The following SRFBP1 variants were observed in gnomAD, a reference collection of about 807,000 sequenced individuals.
The protein encoded by SRFBP1 is serum response factor binding protein 1, also known as serum response factor-binding protein 1.
In SRFBP1, 47 loss-of-function variants were observed where a neutral mutation model predicts 45.5. The ratio of observed to expected loss-of-function variants is 1.03; its 90% CI spans 0.82 to 1.32. The LOEUF (loss-of-function observed/expected upper bound fraction) is 1.32, where lower values mean the gene tolerates loss of function less well. Among genes scored for constraint, SRFBP1 ranks in the 40% most tolerant of loss-of-function variants. The probability of loss-of-function intolerance (pLI) is 0.00; values close to 1 mark genes in which losing one functional copy is unlikely to be tolerated. For missense variants in SRFBP1, 621 were observed against 484.6 expected, an observed-to-expected ratio of 1.28 and a Z score of -2.64; for synonymous variants, 203 against 166.3, an observed-to-expected ratio of 1.22 and a Z score of -1.70.
chr5:121,995,256 A>T lies in SRFBP1; in HGVS notation c.270+586A>T, dbSNP rs559241025. On this transcript the variant is annotated intron_variant, in intron 4 of 7. Coordinates refer to ENST00000339397, the MANE Select transcript of SRFBP1 (RefSeq NM_152546.3). The stretch of plus-strand genomic sequence containing the variant: ...ACACCTATTCCAAAATTGACCACAT[A>T]CTTGGAAGTAAAGCTCTCCTCAGCA... 8.3e-4 allele frequency among the ~76,000 whole-genome samples: 126 copies of T among 152,034 alleles called. 3 individuals are homozygous for T. The South Asian group carries it at 0.023, about 27-fold the overall frequency.
intron 4 of SRFBP1, among the ~76,000 whole-genome samples, chr5:122,013,355 A>G (rs918394720): frequency 1.3e-5 from 2 of 152,100 alleles, no homozygotes; most frequent in African/African-American, 4.8e-5. Flanking sequence ...CACTGAGTAC[A>G]TTTTCAAATG....
intron 2 of SRFBP1, among the ~76,000 whole-genome samples, chr5:122,048,972 T>C (rs571192954): frequency 6.6e-6 from 1 of 152,254 alleles, no homozygotes; most frequent in Non-Finnish European, 1.5e-5. Context: ...GTCTATCAAT[T>C]TTGTTGATCT....
At chr5:122,028,798 G>C (rs2112718605), downstream of SRFBP1, among the ~76,000 whole-genome samples, 1 of 152,336 alleles carries the variant, frequency 6.6e-6, no homozygotes, top group East Asian at 1.9e-4. Flanking sequence ...TTGCCAGACT[G>C]TGAAGTTGGG....
At chr5:121,965,346 C>T (rs1435339081) in intron 1 of SRFBP1, among the ~76,000 whole-genome samples, 1 of 152,056 alleles carries the variant, frequency 6.6e-6, no homozygotes, top group Admixed American at 6.6e-5. Context: ...GTCTTTAATC[C>T]ATCTTGAGTT....
At chr5:122,004,700 T>G (rs1286555619) in intron 4 of SRFBP1, among the ~76,000 whole-genome samples, 1 of 152,100 alleles carries the variant, frequency 6.6e-6, no homozygotes, top group Non-Finnish European at 1.5e-5. Flanking sequence ...TCACTTTGGG[T>G]TTAGTTTGTT....
intron 3 of SRFBP1, among the ~76,000 whole-genome samples, chr5:121,989,318 A>T (rs1752579224): frequency 6.6e-6 from 1 of 152,132 alleles, no homozygotes; most frequent in Non-Finnish European, 1.5e-5. Context: ...CGCCCACCTC[A>T]GCCTCCCAAA....
chr5:122,064,377 T>A (rs1754243285), intron 2 of SRFBP1: 1 of 151,734 alleles, frequency 6.6e-6, no homozygotes, highest in Non-Finnish European at 1.5e-5. Flanking sequence ...TTTGGGTGTG[T>A]TTAGAGGTGC....
intron 2 of SRFBP1, among the ~76,000 whole-genome samples, chr5:122,069,360 T>A (rs1313038174): frequency 6.6e-6 from 1 of 152,036 alleles, no homozygotes; most frequent in African/African-American, 2.4e-5. Flanking sequence ...CCAGCAACAC[T>A]TGGGGAGGTA....
At chr5:121,975,180 G>C in intron 2 of SRFBP1, 135 bp from the exon 3 acceptor site, 1 of 893,794 alleles carries the variant, frequency 1.1e-6, no homozygotes. Flanking sequence ...GAAATGGACA[G>C]TGTAGGATAG....
intron 4 of SRFBP1, among the ~76,000 whole-genome samples, chr5:122,006,618 A>C (rs1036240044): frequency 1.3e-4 from 20 of 151,936 alleles, no homozygotes; most frequent in Non-Finnish European, 2.5e-4. Flanking sequence ...TCTTCTGACT[A>C]TATATTTTCA....
At chr5:121,976,756 A>T (rs1253785663) in intron 3 of SRFBP1, among the ~76,000 whole-genome samples, 2 of 149,626 alleles carry the variant, frequency 1.3e-5, no homozygotes. Context: ...TATATATAAT[A>T]TATATATGTG....
intron 2 of SRFBP1, among the ~76,000 whole-genome samples, chr5:122,052,713 C>G (rs1754011666): frequency 6.6e-6 from 1 of 152,160 alleles, no homozygotes. Flanking sequence ...CCTCAATGAT[C>G]TTCATTACTA....
chr5:122,078,103 G>A (rs1754696991), downstream of SRFBP1: 8 of 950,422 alleles, frequency 8.4e-6, no homozygotes, highest in East Asian at 3.2e-5. Context: ...AGCGGAGCAC[G>A]GGTATCTCAG....
chr5:121,987,671 C>T (rs1029357940), intron 3 of SRFBP1, among the ~76,000 whole-genome samples: 3 of 152,086 alleles, frequency 2.0e-5, no homozygotes, highest in Non-Finnish European at 1.5e-5. Context: ...TCCCTTATAA[C>T]CCAAATATAC....
At chr5:121,995,587 A>G (rs941248963) in intron 4 of SRFBP1, among the ~76,000 whole-genome samples, 6 of 152,226 alleles carry the variant, frequency 3.9e-5, no homozygotes, top group Non-Finnish European at 8.8e-5. Context: ...TGACACCCTA[A>G]CATCACAATT....
chr5:122,067,756 C>T (rs1452745491), intron 2 of SRFBP1, among the ~76,000 whole-genome samples: 1 of 152,152 alleles, frequency 6.6e-6, no homozygotes, highest in Non-Finnish European at 1.5e-5. Flanking sequence ...TCCAAACATG[C>T]CCTGCAGTTT....
intron 4 of SRFBP1, among the ~76,000 whole-genome samples, chr5:122,008,662 A>AT (rs1465315163): frequency 6.6e-6 from 1 of 151,838 alleles, no homozygotes; most frequent in Non-Finnish European, 1.5e-5. Context: ...TTGTAAAGGT[A>AT]TTTTTTTGTG....
At chr5:122,077,891 G>T (rs780762236), downstream of SRFBP1, 16 of 1,527,462 alleles carry the variant, frequency 1.0e-5, no homozygotes, top group East Asian at 2.5e-5. This position sits in a 1 kb window ranked among gnomAD's most constrained non-coding sequence, Gnocchi z 4.9. Flanking sequence ...CGGCTCGCGC[G>T]GGGGCTGCTG....
chr5:122,059,897 G>C (rs538371480), intron 2 of SRFBP1, among the ~76,000 whole-genome samples: 1 of 152,126 alleles, frequency 6.6e-6, no homozygotes, highest in Non-Finnish European at 1.5e-5. Flanking sequence ...CAGTGGGAAA[G>C]AGTAGCAATT....
Sources: allele counts gnomAD v4.1 joint callset (sites outside exome capture counted in the v4.1 genomes callset), GRCh38; gene constraint gnomAD v4.1.1; non-coding constraint Gnocchi (gnomAD v3.1); transcripts MANE v1.5; gene names NCBI Gene and HGNC (gene_info 2026-07-23, HGNC 2026-07-21).